The following BNC2 variants were observed in gnomAD, a reference collection of about 807,000 sequenced individuals.
The protein encoded by BNC2 is zinc finger protein basonuclin-2.
Under a neutral mutation model 76.3 loss-of-function variants are expected in BNC2, and 20 were observed. That is an observed-to-expected ratio of 0.26 (90% confidence interval 0.18 to 0.38). The LOEUF (loss-of-function observed/expected upper bound fraction) is 0.38. Among genes scored for constraint, BNC2 ranks in the 10% least tolerant of loss-of-function variants. The pLI is 1.00. For synonymous variants in BNC2, 582 were observed against 514.8 expected, an observed-to-expected ratio of 1.13 and a Z score of -1.77; for missense variants, 1,382 against 1,399.8, an observed-to-expected ratio of 0.99 and a Z score of 0.20.
At chr9:16,832,928 G>C (rs1334565496) in intron 1 of BNC2, among the ~76,000 whole-genome samples, 1 of 152,004 alleles carries the variant, frequency 6.6e-6, no homozygotes, top group Non-Finnish European at 1.5e-5. Flanking sequence ...GTTTCACCAT[G>C]TTGGCCAGGA....
At chr9:16,559,549 T>A (rs1006567113) in intron 4 of BNC2, among the ~76,000 whole-genome samples, 6 of 152,248 alleles carry the variant, frequency 3.9e-5, no homozygotes, top group African/African-American at 1.4e-4. Context: ...TTTCACCACA[T>A]GTTCGAATAA....
At chr9:16,592,460 T>C (rs570201773) in intron 3 of BNC2, among the ~76,000 whole-genome samples, 1 of 152,258 alleles carries the variant, frequency 6.6e-6, no homozygotes, top group African/African-American at 2.4e-5. Flanking sequence ...TATTATTCCA[T>C]TCAGATGAAA....
chr9:16,686,703 C>T (rs992604835), intron 3 of BNC2, among the ~76,000 whole-genome samples: 1 of 152,148 alleles, frequency 6.6e-6, no homozygotes, highest in Non-Finnish European at 1.5e-5. Flanking sequence ...AAAGGTGCTT[C>T]CCTCTTTCTT....
chr9:16,731,867 A>G (rs1386415277), intron 2 of BNC2, among the ~76,000 whole-genome samples: 1 of 152,182 alleles, frequency 6.6e-6, no homozygotes, highest in African/African-American at 2.4e-5. Context: ...ATAGTAATTA[A>G]AAGTTGTAAT....
At chr9:16,765,856 G>A (rs561954675) in intron 1 of BNC2, among the ~76,000 whole-genome samples, 1 of 150,510 alleles carries the variant, frequency 6.6e-6, no homozygotes, top group East Asian at 2.0e-4. Context: ...GCACGATCTC[G>A]GCTCACTGCA....
Position 16,436,641 on chromosome 9 carries a change from G to A in BNC2, c.1553C>T (p.Ala518Val), listed in dbSNP as rs1318800426. ...TTTTGTACTTGCTATGACAGGGGTGGCAGCTCCTGAGGTGGCCCGAATTAA... is the reference window on the plus strand; with the variant it reads ...TTTTGTACTTGCTATGACAGGGGTGACAGCTCCTGAGGTGGCCCGAATTAA... ...KDLIRATSGA[A>V]TPVIASTKSN... is the part of the protein sequence containing the mutation. The change falls in exon 6 of 7, where the codon GCC (alanine) becomes GTC (valine). Residue 518 changes from alanine (A) to valine (V), a missense_variant. Around this residue, in one of 3 missense-constraint regions of BNC2, gnomAD observed 798 missense variants for 775.5 expected, o/e 1.03. Transcript: ENST00000380672. The A allele has an allele frequency of 1.9e-6, 3 of 1,613,958 alleles. No homozygotes were observed. The highest frequency in any genetic ancestry group is 2.7e-5 in the African/African-American group (2 of 74,882).
intron 3 of BNC2, among the ~76,000 whole-genome samples, chr9:16,693,413 C>A (rs1823242106): frequency 6.6e-6 from 1 of 152,126 alleles, no homozygotes; most frequent in Non-Finnish European, 1.5e-5. Context: ...TGCTTCTTGG[C>A]CAAAGATTAT....
rs1245716687 is a variant in BNC2, at chr9:16,418,314, T to G, written c.*675A>C. 6.5e-6 allele frequency: 1 copy of G among 152,678 alleles called. No homozygotes were observed. Among genetic ancestry groups the G allele is most frequent in the Non-Finnish European group, 1.5e-5 (1 of 68,082 alleles). The allele number at this position is 152,678 out of a possible 1,614,324, so 9.5% of individuals were successfully genotyped here. A position where few individuals can be genotyped will look rare whatever the true frequency, so the allele number is the denominator to read the frequency against. On this transcript the variant is annotated 3_prime_UTR_variant, in exon 7 of 7. Coordinates refer to ENST00000380672, the MANE Select transcript of BNC2 (RefSeq NM_017637.6). Reference sequence around the variant, plus strand: ...TTTTTTCTTTTTTTAAAAATGTGCATTAATGCTAACATAAATGAATAGAGC... The same window carrying G: ...TTTTTTCTTTTTTTAAAAATGTGCAGTAATGCTAACATAAATGAATAGAGC...
intron 5 of BNC2, among the ~76,000 whole-genome samples, chr9:16,512,978 T>C (rs905639867): frequency 6.6e-6 from 1 of 151,788 alleles, no homozygotes; most frequent in Non-Finnish European, 1.5e-5. Context: ...CCACTAAAAA[T>C]AGAAAAATTA....
intron 3 of BNC2, among the ~76,000 whole-genome samples, chr9:16,659,557 G>A (rs10116024): frequency 0.045 from 6,709 of 147,776 alleles, 500 homozygotes; most frequent in African/African-American, 0.16. Flanking sequence ...GAAGTTAGCC[G>A]AGATTGCACC....
At chr9:16,517,168 T>C (rs1472328853) in intron 5 of BNC2, among the ~76,000 whole-genome samples, 1 of 152,176 alleles carries the variant, frequency 6.6e-6, no homozygotes, top group Admixed American at 6.5e-5. Flanking sequence ...TTATTTACTG[T>C]TGTGTATAAG....
chr9:16,493,683 GA>G (rs1822324323), intron 5 of BNC2, among the ~76,000 whole-genome samples: 1 of 152,204 alleles, frequency 6.6e-6, no homozygotes, highest in African/African-American at 2.4e-5. Flanking sequence ...TAGGCAAAAG[GA>G]TAAAAGTAAG....
At chr9:16,853,704 T>C (rs1364150458) in intron 1 of BNC2, among the ~76,000 whole-genome samples, 3 of 151,988 alleles carry the variant, frequency 2.0e-5, no homozygotes, top group Admixed American at 6.6e-5. Context: ...CTGTCTGTAC[T>C]AAAACTACAA....
intron 4 of BNC2, among the ~76,000 whole-genome samples, chr9:16,565,239 C>A (rs1030475797): frequency 6.6e-6 from 1 of 152,158 alleles, no homozygotes; most frequent in African/African-American, 2.4e-5. Context: ...CACATAACTG[C>A]CCCACTTCTC....
At chr9:16,733,791 A>C (rs1284270080) in intron 2 of BNC2, among the ~76,000 whole-genome samples, 1 of 151,946 alleles carries the variant, frequency 6.6e-6, no homozygotes, top group Non-Finnish European at 1.5e-5. Flanking sequence ...GGCTGAGGCA[A>C]AAGAATCGCT....
At chr9:16,496,290 T>G (rs1220524388) in intron 5 of BNC2, among the ~76,000 whole-genome samples, 1 of 152,186 alleles carries the variant, frequency 6.6e-6, no homozygotes, top group African/African-American at 2.4e-5. Context: ...CCATATCTAA[T>G]GTGGTTCTGT....
At chr9:16,852,194 C>T (rs1819143502) in intron 1 of BNC2, among the ~76,000 whole-genome samples, 1 of 152,126 alleles carries the variant, frequency 6.6e-6, no homozygotes, top group Non-Finnish European at 1.5e-5. Context: ...TTTTTGACAG[C>T]ACAATGTTCC....
At chr9:16,845,118 C>G (rs1008970199) in intron 1 of BNC2, among the ~76,000 whole-genome samples, 5 of 152,192 alleles carry the variant, frequency 3.3e-5, no homozygotes, top group African/African-American at 1.2e-4. Context: ...TGGGGGCCAA[C>G]CTTCCCAGGC....
chr9:16,791,491 G>A (rs1382585940), intron 1 of BNC2, among the ~76,000 whole-genome samples: 3 of 152,146 alleles, frequency 2.0e-5, no homozygotes, highest in Non-Finnish European at 4.4e-5. Flanking sequence ...TCTGCATTTA[G>A]CAAATACAAA....
Sources: allele counts gnomAD v4.1 joint callset (sites outside exome capture counted in the v4.1 genomes callset), GRCh38; gene constraint gnomAD v4.1.1; regional missense constraint gnomAD v4.1.1; transcripts MANE v1.5; gene names NCBI Gene and HGNC (gene_info 2026-07-23, HGNC 2026-07-21).